FMNL2: variants seen among roughly 807,000 people sequenced by gnomAD.
FMNL2 encodes formin like 2.
Under a neutral mutation model 130.2 loss-of-function variants are expected in FMNL2, and 51 were observed. The ratio of observed to expected loss-of-function variants is 0.39; its 90% CI spans 0.31 to 0.49. The LOEUF (loss-of-function observed/expected upper bound fraction) is 0.49, where lower values mean the gene tolerates loss of function less well. Among genes scored for constraint, FMNL2 ranks in the 20% least tolerant of loss-of-function variants. The probability of loss-of-function intolerance (pLI) is 0.85; values close to 1 mark genes in which losing one functional copy is unlikely to be tolerated. For synonymous variants in FMNL2, 465 were observed against 467.1 expected, an observed-to-expected ratio of 1.00 and a Z score of 0.06; for missense variants, 977 against 1,316.2, an observed-to-expected ratio of 0.74 and a Z score of 3.99.
intron 1 of FMNL2, among the ~76,000 whole-genome samples, chr2:152,342,412 A>G (rs1383797048): frequency 6.6e-6 from 1 of 152,216 alleles, no homozygotes; most frequent in African/African-American, 2.4e-5. Flanking sequence ...GTGAGTTACA[A>G]GCTATACAGT....
chr2:152,482,024 A>G (rs7425826), intron 1 of FMNL2, among the ~76,000 whole-genome samples: 46,357 of 151,908 alleles, frequency 0.31, 7,415 homozygotes, highest in East Asian at 0.58. Context: ...AGCCCAGTGG[A>G]TTTGCTCTGG....
At chr2:152,640,680 G>T in intron 24 of FMNL2, 111 bp from the exon 25 acceptor site, 1 of 1,340,262 alleles carries the variant, frequency 7.5e-7, no homozygotes. Flanking sequence ...ATGTGTGTGT[G>T]TTTTTGGCCG....
At chr2:152,492,435 T>TATTG (rs1691265004) in intron 1 of FMNL2, among the ~76,000 whole-genome samples, 3 of 152,238 alleles carry the variant, frequency 2.0e-5, no homozygotes, top group African/African-American at 7.2e-5. Context: ...TTTTTGGCTT[T>TATTG]GTCAACTCAG....
At position 152,632,111 on chromosome 2, in the gene FMNL2, T is replaced by C; in HGVS notation, c.2654T>C (p.Leu885Pro). The C allele has an allele frequency of 3.1e-6, 5 of 1,612,276 alleles. No individual in the cohort carries two copies. The highest frequency in any genetic ancestry group is 4.2e-6 in the Non-Finnish European group (5 of 1,179,122). ...YHQVSLFYNELHYVEKAAAVS... is the reference protein window; with the variant it reads ...YHQVSLFYNEPHYVEKAAAVS... The stretch of plus-strand genomic sequence containing the variant: ...CAAGTGTCCCTGTTTTATAATGAGC[T>C]TCATTATGTGGAAAAAGCTGCTGCA... The change falls in exon 21 of 26, where the codon CTT becomes CCT. Residue 885 changes from leucine to proline, a missense_variant. Transcript: ENST00000288670.
chr2:152,569,474 G>T (rs1696044426), intron 6 of FMNL2, among the ~76,000 whole-genome samples: 1 of 152,030 alleles, frequency 6.6e-6, no homozygotes, highest in Admixed American at 6.6e-5. Context: ...GCTGGGTGCA[G>T]TTGTCACCTG....
At chr2:152,606,613 G>T (rs1308850030) in intron 9 of FMNL2, among the ~76,000 whole-genome samples, 3 of 135,668 alleles carry the variant, frequency 2.2e-5, no homozygotes, top group South Asian at 2.4e-4. Flanking sequence ...TCATTTGATA[G>T]AAATCTTTTT....
chr2:152,620,737 A>T (rs915518653), intron 15 of FMNL2, among the ~76,000 whole-genome samples: 6 of 152,212 alleles, frequency 3.9e-5, no homozygotes, highest in African/African-American at 1.2e-4. Context: ...CAGCTCTGCC[A>T]GCCGGTCACT....
intron 22 of FMNL2, among the ~76,000 whole-genome samples, chr2:152,636,820 C>T (rs1025312409): frequency 2.0e-5 from 3 of 152,164 alleles, no homozygotes; most frequent in African/African-American, 7.2e-5. Flanking sequence ...TGTCCCCTCC[C>T]CCTCCCCTTT....
chr2:152,451,164 G>T (rs1460536347), intron 1 of FMNL2, among the ~76,000 whole-genome samples: 2 of 151,816 alleles, frequency 1.3e-5, no homozygotes, highest in Non-Finnish European at 2.9e-5. Context: ...TTTTGTTGTT[G>T]TTGAGATGGA....
intron 15 of FMNL2, chr2:152,621,016 T>G (rs894133059): frequency 1.0e-6 from 1 of 985,294 alleles, no homozygotes; most frequent in African/African-American, 1.7e-5. Context: ...GTGGAACTGA[T>G]GGACTATGGA....
At chr2:152,393,839 C>A (rs1685246605) in intron 1 of FMNL2, among the ~76,000 whole-genome samples, 1 of 152,150 alleles carries the variant, frequency 6.6e-6, no homozygotes, top group African/African-American at 2.4e-5. Flanking sequence ...GTGAAAGCAG[C>A]CTTAGACAAT....
chr2:152,489,435 A>G (rs1017923976), intron 1 of FMNL2, among the ~76,000 whole-genome samples: 5 of 152,324 alleles, frequency 3.3e-5, no homozygotes, highest in Admixed American at 2.6e-4. Context: ...CTCACACTAC[A>G]GTGGAGGAGA....
intron 25 of FMNL2, among the ~76,000 whole-genome samples, chr2:152,644,196 C>T (rs753859754): frequency 6.6e-6 from 1 of 151,936 alleles, no homozygotes; most frequent in Non-Finnish European, 1.5e-5. Flanking sequence ...ACTCCAGCCT[C>T]GGCAACAGAG....
intron 1 of FMNL2, among the ~76,000 whole-genome samples, chr2:152,447,129 T>C (rs1056588948): frequency 6.6e-6 from 1 of 152,130 alleles, no homozygotes; most frequent in African/African-American, 2.4e-5. Context: ...ACAAGTTTCT[T>C]ACTTTGTTGC....
intron 1 of FMNL2, among the ~76,000 whole-genome samples, chr2:152,426,038 T>C (rs1687184174): frequency 6.6e-6 from 1 of 152,220 alleles, no homozygotes; most frequent in South Asian, 2.1e-4. Context: ...TAGGGATAAA[T>C]CATTTCCAGG....
At chr2:152,548,022 A>T (rs1018054112) in intron 3 of FMNL2, among the ~76,000 whole-genome samples, 1 of 152,192 alleles carries the variant, frequency 6.6e-6, no homozygotes. Flanking sequence ...AGAGAGGTGT[A>T]TATTAACACA....
chr2:152,512,505 T>C lies in FMNL2; in HGVS notation c.118-9438T>C, dbSNP rs1273798954. ...CACCCTTTTGTCCTGTGGACAAGATTGGCTCTCCCACCTAGCTTGGTCTGT... is the reference window on the plus strand; with the variant it reads ...CACCCTTTTGTCCTGTGGACAAGATCGGCTCTCCCACCTAGCTTGGTCTGT... On this transcript the variant is annotated intron_variant, in intron 1 of 25. Transcript: ENST00000288670. Among the ~76,000 whole-genome samples, 16 of 152,300 alleles carry C rather than the reference T, an allele frequency of 1.1e-4. No individual in the cohort carries two copies. In the East Asian group the frequency reaches 3.1e-3, roughly 29 times the overall value.
chr2:152,374,588 A>G (rs1005122764), intron 1 of FMNL2, among the ~76,000 whole-genome samples: 3 of 152,190 alleles, frequency 2.0e-5, no homozygotes, highest in Non-Finnish European at 4.4e-5. Flanking sequence ...CTTAATTTTA[A>G]TGGCTTAAAA....
intron 1 of FMNL2, among the ~76,000 whole-genome samples, chr2:152,432,960 C>G (rs756027821): frequency 6.6e-6 from 1 of 152,294 alleles, no homozygotes; most frequent in East Asian, 1.9e-4. Flanking sequence ...TTGACATGGA[C>G]TTTGGAGTCA....
Sources: allele counts gnomAD v4.1 joint callset (sites outside exome capture counted in the v4.1 genomes callset), GRCh38; gene constraint gnomAD v4.1.1; transcripts MANE v1.5; gene names NCBI Gene and HGNC (gene_info 2026-07-23, HGNC 2026-07-21).